Variants in DOCK4 observed in about 807,000 individuals in gnomAD.
The protein encoded by DOCK4 is dedicator of cytokinesis protein 4.
A neutral mutation model predicts 268.1 loss-of-function variants in DOCK4; 97 were observed. That is an observed-to-expected ratio of 0.36 (90% CI 0.31 to 0.43). The LOEUF is 0.43. DOCK4 is among the 20% of genes least tolerant of loss of function. The probability of loss-of-function intolerance (pLI) is 1.00; values close to 1 mark genes in which losing one functional copy is unlikely to be tolerated. For missense variants in DOCK4, 2,145 were observed against 2,455.7 expected, an observed-to-expected ratio of 0.87 and a Z score of 2.67; for synonymous variants, 954 against 887.2, an observed-to-expected ratio of 1.08 and a Z score of -1.34.
At chr7:111,751,754 A>G (rs750362806) in intron 42 of DOCK4, among the ~76,000 whole-genome samples, 3 of 150,280 alleles carry the variant, frequency 2.0e-5, no homozygotes, top group African/African-American at 5.0e-5. Flanking sequence ...CTAAAAATAT[A>G]TAATTTTTTT....
At chr7:112,087,721 C>A (rs988864403) in intron 1 of DOCK4, among the ~76,000 whole-genome samples, 1 of 152,088 alleles carries the variant, frequency 6.6e-6, no homozygotes, top group African/African-American at 2.4e-5. Context: ...TAGAGTCTCA[C>A]TTTTCCCTAA....
intron 11 of DOCK4, among the ~76,000 whole-genome samples, chr7:111,939,679 T>C (rs555362009): frequency 1.3e-5 from 2 of 152,258 alleles, no homozygotes; most frequent in East Asian, 3.9e-4. Context: ...GCCATGCAGT[T>C]TGTGGTACTT....
intron 52 of DOCK4, among the ~76,000 whole-genome samples, chr7:111,729,034 C>T (rs557833024): frequency 1.3e-5 from 2 of 152,130 alleles, no homozygotes; most frequent in African/African-American, 2.4e-5. Flanking sequence ...AAGGCTGCCA[C>T]GCATTGATCC....
At chr7:112,203,246 G>C (rs191479923) in intron 1 of DOCK4, among the ~76,000 whole-genome samples, 4 of 152,286 alleles carry the variant, frequency 2.6e-5, no homozygotes, top group Admixed American at 2.6e-4. Context: ...CTCTTAACAT[G>C]ATTTCTAAAA....
rs981819425 is a variant in DOCK4 at position 111,969,744 on chromosome 7, G to T, written c.701+7388C>A. Among the ~76,000 whole-genome samples, 80 of 151,332 alleles carry T rather than the reference G, an allele frequency of 5.3e-4. 1 individual carries two copies. The highest frequency in any genetic ancestry group is 1.9e-3 in the African/African-American group (80 of 41,274). Reference sequence around the variant, plus strand: ...ACATATGCCAAAACAGGAGAGGTAAGAATTAATATACACATCCGTAGCTGC... The same window carrying T: ...ACATATGCCAAAACAGGAGAGGTAATAATTAATATACACATCCGTAGCTGC... On this transcript the variant is annotated intron_variant, in intron 8 of 52. Transcript: ENST00000428084.
At chr7:111,851,715 CTT>C (rs1804570488) in intron 23 of DOCK4, among the ~76,000 whole-genome samples, 1 of 152,024 alleles carries the variant, frequency 6.6e-6, no homozygotes, top group African/African-American at 2.4e-5. Flanking sequence ...TAGCCTCAGT[CTT>C]TTCATCTGTA....
chr7:112,087,718 T>C (rs1809230342), intron 1 of DOCK4, among the ~76,000 whole-genome samples: 1 of 152,124 alleles, frequency 6.6e-6, no homozygotes, highest in Non-Finnish European at 1.5e-5. Context: ...AAATAGAGTC[T>C]CACTTTTCCC....
chr7:112,172,223 T>C (rs1425292188), intron 1 of DOCK4, among the ~76,000 whole-genome samples: 2 of 149,846 alleles, frequency 1.3e-5, no homozygotes, highest in Admixed American at 1.3e-4. Flanking sequence ...GGATTCTTAA[T>C]AGCAATTTGG....
In DOCK4 at chr7:111,872,302, G is replaced by C. The variant is rs750766207; in HGVS notation, c.1893C>G (p.Ser631=). The change falls in exon 19 of 53, where the codon TCC becomes TCG. Residue 631 remains serine, a synonymous_variant. Coordinates refer to ENST00000428084, the MANE Select transcript of DOCK4 (RefSeq NM_001363540.2). ...CAAACACTTTAGACCCATATTTTTG[G>C]GAATTTTCATCTAAAATTCCAAATA... ...DTLFGILDEN[S]QKYGSKVFDS... 10 of 1,559,368 alleles carry C rather than the reference G, an allele frequency of 6.4e-6. No homozygotes were observed. Among genetic ancestry groups the C allele is most frequent in the Non-Finnish European group, 8.7e-6 (10 of 1,151,798 alleles).
At chr7:111,908,372 T>C (rs1586334859) in intron 13 of DOCK4, among the ~76,000 whole-genome samples, 1 of 151,788 alleles carries the variant, frequency 6.6e-6, no homozygotes, top group Non-Finnish European at 1.5e-5. Flanking sequence ...GGCATGAACA[T>C]GGAAGGCAGA....
At chr7:112,124,787 C>A (rs1254319475) in intron 1 of DOCK4, among the ~76,000 whole-genome samples, 6 of 152,136 alleles carry the variant, frequency 3.9e-5, no homozygotes, top group Non-Finnish European at 8.8e-5. Context: ...TTGAAGGAAC[C>A]CACATTCACT....
In DOCK4 at chr7:112,203,119, C is replaced by T. The variant is rs376192000; in HGVS notation, c.37+2983G>A. Among the ~76,000 whole-genome samples the T allele has an allele frequency of 3.3e-5, 5 of 152,304 alleles. No homozygotes were observed. The East Asian group carries it at 9.6e-4, about 29-fold the overall frequency. ...GGCTTTAGTTAACACTTGCCCCAGA[C>T]GCTGGGACCCAGAAAGGCTAAGTGA... On this transcript the variant is annotated intron_variant, in intron 1 of 52. Coordinates refer to ENST00000428084, the MANE Select transcript of DOCK4 (RefSeq NM_001363540.2).
Position 112,180,391 on chromosome 7 carries a change from C to A in DOCK4, c.37+25711G>T, listed in dbSNP as rs1291060205. Reference sequence around the variant, plus strand: ...TTCACTTCTGCAGACAACTTTTACCCCGACAGGTCCACACAGCACAACCTG... The same window carrying A: ...TTCACTTCTGCAGACAACTTTTACCACGACAGGTCCACACAGCACAACCTG... On this transcript the variant is annotated intron_variant, in intron 1 of 52. Transcript: ENST00000428084. Among the ~76,000 whole-genome samples the A allele has an allele frequency of 2.0e-5, 3 of 152,166 alleles. No individual in the cohort carries two copies. In the East Asian group the frequency reaches 5.8e-4, roughly 29 times the overall value.
In DOCK4 at chr7:112,149,512, TA is replaced by T. The variant is rs539892375; in HGVS notation, c.37+56589del. ...GAAAGAAATGACTTATAAAGAGGTT[TA>T]AAAAAAAAAGGAGGAGCAGACAACA... On this transcript the variant is annotated intron_variant, in intron 1 of 52. Transcript: ENST00000428084. Among the ~76,000 whole-genome samples, 829 of 146,678 alleles carry T rather than the reference TA, an allele frequency of 5.7e-3. 3 individuals are homozygous for T. Among genetic ancestry groups the T allele is most frequent in the African/African-American group, 9.9e-3 (396 of 39,980 alleles).
At chr7:111,926,584 CGGGCAAGGT>C (rs1182154466) in intron 12 of DOCK4, among the ~76,000 whole-genome samples, 2 of 138,706 alleles carry the variant, frequency 1.4e-5, no homozygotes, top group East Asian at 2.2e-4. Context: ...GCGGGCAAGG[CGGGCAAGGT>C]GGGCAGATCA....
chr7:111,851,085 T>C (rs1804508957), intron 23 of DOCK4, among the ~76,000 whole-genome samples: 1 of 152,236 alleles, frequency 6.6e-6, no homozygotes, highest in Non-Finnish European at 1.5e-5. Flanking sequence ...ATCCTTACCT[T>C]ACACCAAATG....
chr7:111,872,027 A>T lies in DOCK4; in HGVS notation c.1990T>A (p.Tyr664Asn). 1 of 1,559,470 alleles carries T rather than the reference A, an allele frequency of 6.4e-7. No individual in the cohort carries two copies. Among genetic ancestry groups the T allele is most frequent in the Non-Finnish European group, 8.7e-7 (1 of 1,150,648 alleles). Residue 664 changes from tyrosine to asparagine, a missense_variant, in exon 20 of 53, where the codon TAC becomes AAC. Physicochemically the swap from Tyr to Asn is moderately radical, Grantham distance 143 (BLOSUM62 -2). Around this residue, in one of 2 missense-constraint regions of DOCK4, gnomAD observed 1,598 missense variants for 1,986.7 expected, o/e 0.80. Coordinates refer to ENST00000428084, the MANE Select transcript of DOCK4 (RefSeq NM_001363540.2). Reference protein sequence around the residue: ...FHHFKPVMDTYIESHFAGALA... With the variant: ...FHHFKPVMDTNIESHFAGALA... Reference sequence around the variant, plus strand: ...GCCCCAGCAAAATGACTCTCAATGTAAGTGTCCATTACAGGTTTAAAATGA... The same window carrying T: ...GCCCCAGCAAAATGACTCTCAATGTTAGTGTCCATTACAGGTTTAAAATGA...
At chr7:111,923,005 T>G (rs1793283310) in intron 12 of DOCK4, among the ~76,000 whole-genome samples, 1 of 152,164 alleles carries the variant, frequency 6.6e-6, no homozygotes, top group Non-Finnish European at 1.5e-5. Context: ...GGCAGGCCCT[T>G]TGTTCTGTGG....
chr7:111,821,996 T>C (rs1359731881), intron 27 of DOCK4, among the ~76,000 whole-genome samples: 8 of 152,220 alleles, frequency 5.3e-5, no homozygotes, highest in Non-Finnish European at 8.8e-5. Flanking sequence ...TTTGGAAAGA[T>C]TGCCAGGATT....
Sources: allele counts gnomAD v4.1 joint callset (sites outside exome capture counted in the v4.1 genomes callset), GRCh38; gene constraint gnomAD v4.1.1; regional missense constraint gnomAD v4.1.1; transcripts MANE v1.5; gene names NCBI Gene and HGNC (gene_info 2026-07-23, HGNC 2026-07-21).